YBX2: variants seen among roughly 807,000 people sequenced by gnomAD.
YBX2 encodes Y-box-binding protein 2.
YBX2 carries 5 observed loss-of-function variants against 44.4 expected under a neutral mutation model. That is an observed-to-expected ratio of 0.11 (90% CI 0.06 to 0.24). The LOEUF is 0.24. YBX2 is among the 10% of genes least tolerant of loss of function. YBX2 has a pLI of 1.00. For missense variants in YBX2, 417 were observed against 526.9 expected, an observed-to-expected ratio of 0.79 and a Z score of 2.04; for synonymous variants, 188 against 216.1, an observed-to-expected ratio of 0.87 and a Z score of 1.14.
In YBX2 at chr17:7,288,613, G is replaced by C; in HGVS notation, c.*70C>G. The stretch of plus-strand genomic sequence containing the variant: ...AAGGGGGAGCAGGGTACTGGGTAGG[G>C]TACAGGTCATTTGGAAAAACTGGCA... On this transcript the variant is annotated 3_prime_UTR_variant, in exon 9 of 9. Transcript: ENST00000007699. 1 of 690,578 alleles carries C rather than the reference G, an allele frequency of 1.4e-6. No homozygotes were observed. Among genetic ancestry groups the C allele is most frequent in the Non-Finnish European group, 2.5e-6 (1 of 393,074 alleles). The allele number at this position is 690,578 out of a possible 1,614,324, so 42.8% of individuals were successfully genotyped here. A position where few individuals can be genotyped will look rare whatever the true frequency, so the allele number is the denominator to read the frequency against.
Position 7,291,389 on chromosome 17 carries a change from A to C in YBX2, c.370-207T>G. 1 of 616,950 alleles carries C rather than the reference A, an allele frequency of 1.6e-6. No individual in the cohort carries two copies. The highest frequency in any genetic ancestry group is 2.9e-6 in the Non-Finnish European group (1 of 341,452). The allele number at this position is 616,950 out of a possible 1,614,324, so 38.2% of individuals were successfully genotyped here. A position where few individuals can be genotyped will look rare whatever the true frequency, so the allele number is the denominator to read the frequency against. ...AGATTGTGCAGTTACCACCATCCCC[A>C]GGATGCACTCCCCGCACCTCCCCTC... On this transcript the variant is annotated intron_variant, in intron 3 of 8. Transcript: ENST00000007699. The surrounding 1 kb of genome is among the most constrained non-coding windows in gnomAD (Gnocchi z 5.8).
At position 7,294,436 on chromosome 17, in the gene YBX2, G is replaced by A; in HGVS notation, c.65C>T (p.Ala22Val). The change falls in exon 1 of 9, where the codon GCG becomes GTG. Residue 22 changes from alanine to valine, a missense_variant. Coordinates refer to ENST00000007699, the MANE Select transcript of YBX2 (RefSeq NM_015982.4). This position sits in a 1 kb window ranked among gnomAD's most constrained non-coding sequence, Gnocchi z 4.6. ...AVPAATVPAT[A>V]AGVVAVVVPV... ...TACCACCACCGCTACCACCCCTGCC[G>A]CCGTCGCGGGCACCGTCGCCGCGGG... 1 of 1,473,186 alleles carries A rather than the reference G, an allele frequency of 6.8e-7. No homozygotes were observed. The highest frequency in any genetic ancestry group is 9.0e-7 in the Non-Finnish European group (1 of 1,115,438). The allele number at this position is 1,473,186 out of a possible 1,614,324, so 91.3% of individuals were successfully genotyped here.
rs1286434402 is a variant in YBX2, at chr17:7,294,408, C to T, written c.93G>A (p.Pro31=). The T allele has an allele frequency of 3.4e-6, 5 of 1,454,220 alleles. No individual in the cohort carries two copies. The Admixed American group carries it at 7.1e-5, about 21-fold the overall frequency. 90.1% of individuals were successfully genotyped at this position (1,454,220 alleles called of 1,614,324 possible). A position where few individuals can be genotyped will look rare whatever the true frequency, so the allele number is the denominator to read the frequency against. The change falls in exon 1 of 9, where the codon CCG becomes CCA. Residue 31 remains proline, a synonymous_variant. Coordinates refer to ENST00000007699, the MANE Select transcript of YBX2 (RefSeq NM_015982.4). This position sits in a 1 kb window ranked among gnomAD's most constrained non-coding sequence, Gnocchi z 4.6. ...TAAGVVAVVV[P]VPAGEPQKGG... is the part of the protein sequence containing the mutation. ...CTTTCTGCGGCTCCCCTGCGGGCAC[C>T]GGTACCACCACCGCTACCACCCCTG...
At position 7,294,315 on chromosome 17, in the gene YBX2, G is replaced by A. The variant is rs1227770867; in HGVS notation, c.186C>T (p.Gly62=). 1 of 1,281,326 alleles carries A rather than the reference G, an allele frequency of 7.8e-7. No individual in the cohort carries two copies. The highest frequency in any genetic ancestry group is 9.8e-7 in the Non-Finnish European group (1 of 1,020,218). The allele number at this position is 1,281,326 out of a possible 1,614,324, so 79.4% of individuals were successfully genotyped here. A position where few individuals can be genotyped will look rare whatever the true frequency, so the allele number is the denominator to read the frequency against. Residue 62 remains glycine (G), a synonymous_variant, in exon 1 of 9, where the codon GGC becomes GGT. Transcript: ENST00000007699. This position sits in a 1 kb window ranked among gnomAD's most constrained non-coding sequence, Gnocchi z 4.6. ...TCGCCGGATTGCCAGGGGTGCGGGA[G>A]CCCGGCGCCGAGGGGGTCCCAGCAG... ...GPAAGTPSAP[G]SRTPGNPATA...
intron 5 of YBX2, 21 bp from the exon 6 acceptor site, chr17:7,290,092 C>G (rs376378003): frequency 1.9e-6 from 3 of 1,613,644 alleles, no homozygotes; most frequent in Non-Finnish European, 2.5e-6. Flanking sequence ...GCAAAGGCCC[C>G]GGTGAGCTGT....
chr17:7,288,666 C>T (rs1262758681), intron 8 of YBX2, 23 bp from the exon 9 acceptor site: 15 of 1,170,242 alleles, frequency 1.3e-5, no homozygotes, highest in Middle Eastern at 2.1e-4. Flanking sequence ...AGGAAATGGA[C>T]GGATTGTGAA....
At chr17:7,292,081 TAAGG>T in intron 2 of YBX2, 22 bp from the exon 3 acceptor site, 2 of 1,613,992 alleles carry the variant, frequency 1.2e-6, no homozygotes, top group South Asian at 2.2e-5. Context: ...GATGGGTCGT[TAAGG>T]AAGGGACTTC....
Position 7,294,543 on chromosome 17 carries a change from C to T in YBX2, c.-43G>A. ...CGGCCACAGCCGCCACCGCCCCGGCCCCTCCCCCCGGCTCGCGAACCCACC... is the reference window on the plus strand; with the variant it reads ...CGGCCACAGCCGCCACCGCCCCGGCTCCTCCCCCCGGCTCGCGAACCCACC... On this transcript the variant is annotated 5_prime_UTR_variant, in exon 1 of 9. Transcript: ENST00000007699. The surrounding 1 kb of genome is among the most constrained non-coding windows in gnomAD (Gnocchi z 4.6). 1 of 1,413,526 alleles carries T rather than the reference C, an allele frequency of 7.1e-7. No homozygotes were observed. The highest frequency in any genetic ancestry group is 9.2e-7 in the Non-Finnish European group (1 of 1,082,268). 87.6% of individuals were successfully genotyped at this position (1,413,526 alleles called of 1,614,324 possible). A position where few individuals can be genotyped will look rare whatever the true frequency, so the allele number is the denominator to read the frequency against.
chr17:7,289,955 AG>A lies in YBX2; in HGVS notation c.848+12del. The A allele has an allele frequency of 6.2e-7, 1 of 1,613,250 alleles. No homozygotes were observed. Among genetic ancestry groups the A allele is most frequent in the Non-Finnish European group, 8.5e-7 (1 of 1,179,188 alleles). ...TGGAAGGGGAAGACCAAGCCCCAGCAGGGGGGTCTTACCTTCGGTACCTGGG... is the reference window on the plus strand; with the variant it reads ...TGGAAGGGGAAGACCAAGCCCCAGCAGGGGGTCTTACCTTCGGTACCTGGG... On this transcript the variant is annotated intron_variant, in intron 6 of 8. Coordinates refer to ENST00000007699, the MANE Select transcript of YBX2 (RefSeq NM_015982.4).
chr17:7,290,787 A>G (rs2072496133), intron 4 of YBX2, among the ~76,000 whole-genome samples: 1 of 152,236 alleles, frequency 6.6e-6, no homozygotes, highest in East Asian at 1.9e-4. Context: ...CCTGGCAGCC[A>G]GCATCCACCT....
At chr17:7,292,139 G>T in intron 2 of YBX2, 80 bp from the exon 3 acceptor site, 1 of 1,536,172 alleles carries the variant, frequency 6.5e-7, no homozygotes, top group Non-Finnish European at 9.0e-7. Context: ...TAGATGCCCA[G>T]TCTAAGCTCA....
At chr17:7,292,602 CCA>C (rs2072509617) in intron 2 of YBX2, 3 of 165,568 alleles carry the variant, frequency 1.8e-5, no homozygotes. Context: ...GAGGTGAATC[CCA>C]GAGTCAGGAC....
chr17:7,293,231 G>A, intron 2 of YBX2: 2 of 606,054 alleles, frequency 3.3e-6, no homozygotes, highest in Non-Finnish European at 5.7e-6. Flanking sequence ...GAAGCTGGCA[G>A]GGTCAGAGCC....
Position 7,290,287 on chromosome 17 carries a change from T to G in YBX2, c.708A>C (p.Arg236=), listed in dbSNP as rs780225165. Residue 236 remains arginine, a synonymous_variant, in exon 5 of 9, where the codon CGA becomes CGC. Transcript: ENST00000007699. ...PPFFYRRRFV[R]GPRPPNQQQP... ...GCTGCTGGTTGGGAGGCCGGGGGCC[T>G]CGCACAAACCGCCGTCGGTAGAAGA... The G allele has an allele frequency of 9.3e-6, 15 of 1,613,392 alleles. No homozygotes were observed. The highest frequency in any genetic ancestry group is 1.7e-4 in the Middle Eastern group (1 of 6,052).
chr17:7,292,233 C>T, intron 2 of YBX2, 174 bp from the exon 3 acceptor site: 2 of 741,612 alleles, frequency 2.7e-6, no homozygotes, highest in Non-Finnish European at 2.4e-6. Context: ...CCCCCAGAAG[C>T]TGGTGTAAAG....
Position 7,291,723 on chromosome 17 carries a change from C to T in YBX2, c.369+303G>A. ...TGCTGCCGCTGGTGCAGGGGCCACG[C>T]TTTGAGAACCACTGCACCCAAGGAC... On this transcript the variant is annotated intron_variant, in intron 3 of 8. Coordinates refer to ENST00000007699, the MANE Select transcript of YBX2 (RefSeq NM_015982.4). This position sits in a 1 kb window ranked among gnomAD's most constrained non-coding sequence, Gnocchi z 5.8. 1 of 461,544 alleles carries T rather than the reference C, an allele frequency of 2.2e-6. No individual in the cohort carries two copies. The highest frequency in any genetic ancestry group is 4.0e-6 in the Non-Finnish European group (1 of 250,450). The allele number at this position is 461,544 out of a possible 1,614,324, so 28.6% of individuals were successfully genotyped here. A position where few individuals can be genotyped will look rare whatever the true frequency, so the allele number is the denominator to read the frequency against.
rs765773551 is a variant in YBX2 at position 7,290,318 on chromosome 17, G to T, written c.677C>A (p.Pro226Gln). The T allele has an allele frequency of 4.1e-5, 66 of 1,613,548 alleles. No individual in the cohort carries two copies. The highest frequency in any genetic ancestry group is 5.4e-5 in the Non-Finnish European group (64 of 1,179,894). The change falls in exon 5 of 9, where the codon CCA becomes CAA. Residue 226 changes from proline to glutamine, a missense_variant. Physicochemically the swap from Pro to Gln is moderately conservative, Grantham distance 76. Coordinates refer to ENST00000007699, the MANE Select transcript of YBX2 (RefSeq NM_015982.4). ...AAACCGCCGTCGGTAGAAGAAGGGT[G>T]GGGGGCACCATCGTCGGGGCCGTTG... ...SGQRPRRWCP[P>Q]PFFYRRRFVR...
chr17:7,290,224 G>A (rs1186940587), intron 5 of YBX2, 27 bp downstream of exon 5: 1 of 1,606,810 alleles, frequency 6.2e-7, no homozygotes, highest in Non-Finnish European at 8.5e-7. Flanking sequence ...TTGGGGAACT[G>A]GCTCCCATAT....
At position 7,291,721 on chromosome 17, in the gene YBX2, C is replaced by T. The variant is rs1023831840; in HGVS notation, c.369+305G>A. ...GCTGCTGCCGCTGGTGCAGGGGCCA[C>T]GCTTTGAGAACCACTGCACCCAAGG... On this transcript the variant is annotated intron_variant, in intron 3 of 8. Coordinates refer to ENST00000007699, the MANE Select transcript of YBX2 (RefSeq NM_015982.4). This position sits in a 1 kb window ranked among gnomAD's most constrained non-coding sequence, Gnocchi z 5.8. The T allele has an allele frequency of 1.3e-5, 6 of 455,328 alleles. No homozygotes were observed. Among genetic ancestry groups the T allele is most frequent in the South Asian group, 4.6e-5 (2 of 43,462 alleles). The allele number at this position is 455,328 out of a possible 1,614,324, so 28.2% of individuals were successfully genotyped here. A position where few individuals can be genotyped will look rare whatever the true frequency, so the allele number is the denominator to read the frequency against.
Sources: gnomAD v4.1 joint callset for allele counts (sites outside exome capture counted in the v4.1 genomes callset) on GRCh38, gnomAD v4.1.1 for gene constraint, Gnocchi (gnomAD v3.1) non-coding constraint, MANE v1.5 for transcripts, NCBI Gene and HGNC (gene_info 2026-07-23, HGNC 2026-07-21) for gene names.